Variants in BORA observed in about 807,000 individuals in gnomAD.
BORA encodes the protein BORA aurora kinase A activator, also known as protein aurora borealis.
In BORA, 26 loss-of-function variants were observed where a neutral mutation model predicts 55.8. The ratio of observed to expected loss-of-function variants is 0.47; its 90% confidence interval spans 0.34 to 0.65. BORA has a LOEUF of 0.65. Ranked by LOEUF, BORA falls within the 30% of genes least tolerant of loss-of-function variation. BORA has a pLI of 0.01. For missense variants in BORA, 568 were observed against 671.5 expected (o/e 0.85, Z 1.70); for synonymous variants, 201 against 216.9 (o/e 0.93, Z 0.64).
intron 4 of BORA, among the ~76,000 whole-genome samples, 196 bp downstream of exon 4, chr13:72,735,201 A>C (rs2032894630): frequency 6.6e-6 from 1 of 152,190 alleles, no homozygotes; most frequent in South Asian, 2.1e-4. Flanking sequence ...TACCTTGCAT[A>C]GCACTTGCAT....
chr13:72,743,722 T>G, intron 6 of BORA, 120 bp downstream of exon 6: 1 of 763,232 alleles, frequency 1.3e-6, no homozygotes, highest in Non-Finnish European at 2.0e-6. Context: ...TTTTTTTTTT[T>G]AATTTATTTT....
chr13:72,747,334 AG>A (rs2033172121), intron 10 of BORA, among the ~76,000 whole-genome samples: 1 of 152,110 alleles, frequency 6.6e-6, no homozygotes, highest in Non-Finnish European at 1.5e-5. Context: ...ATTTGTATGG[AG>A]TAGGAAAAGG....
rs777428247 is a variant in BORA at position 72,746,571 on chromosome 13, G to A, written c.942G>A (p.Pro314=). 2.5e-6 allele frequency: 4 copies of A among 1,613,874 alleles called. No homozygotes were observed. The highest frequency in any genetic ancestry group is 1.7e-4 in the Middle Eastern group (1 of 6,058). ...CAAATTCTAATGGGATAACTAATCCGTGTATCAGAAGTCCTTATATAGATG... is the reference window on the plus strand; with the variant it reads ...CAAATTCTAATGGGATAACTAATCCATGTATCAGAAGTCCTTATATAGATG... ...SGTNSNGITN[P]CIRSPYIDGC... The change falls in exon 10 of 12, where the codon CCG becomes CCA. Residue 314 remains proline, a synonymous_variant. Coordinates refer to ENST00000390667, the MANE Select transcript of BORA (RefSeq NM_024808.5).
chr13:72,728,914 A>G lies in BORA; in HGVS notation c.-15-12A>G, dbSNP rs765738949. ...TGTAATTTTAACATGCATACTCTTGATTTCTTTTTAGTTTTCTCTCTGTGC... is the reference window on the plus strand; with the variant it reads ...TGTAATTTTAACATGCATACTCTTGGTTTCTTTTTAGTTTTCTCTCTGTGC... On this transcript the variant is annotated splice_polypyrimidine_tract_variant and intron_variant, in intron 1 of 11. Coordinates refer to ENST00000390667, the MANE Select transcript of BORA (RefSeq NM_024808.5). The G allele has an allele frequency of 7.1e-6, 11 of 1,556,518 alleles. No homozygotes were observed. In the Admixed American group the frequency reaches 1.8e-4, roughly 25 times the overall value.
intron 2 of BORA, among the ~76,000 whole-genome samples, chr13:72,730,662 C>G (rs2032791675): frequency 6.6e-6 from 1 of 152,142 alleles, no homozygotes; most frequent in Non-Finnish European, 1.5e-5. Context: ...TAGTTTATCA[C>G]ACTGATGAGT....
At chr13:72,733,992 G>T (rs1285484192) in intron 3 of BORA, among the ~76,000 whole-genome samples, 1 of 152,208 alleles carries the variant, frequency 6.6e-6, no homozygotes, top group Non-Finnish European at 1.5e-5. Flanking sequence ...ACTTATAAGT[G>T]GGAGCTAAAT....
rs1369990564 is a variant in BORA at position 72,755,807 on chromosome 13, AG to A, written c.*593del. On this transcript the variant is annotated 3_prime_UTR_variant, in exon 12 of 12. Transcript: ENST00000390667. Reference sequence around the variant, plus strand: ...ACTTTTAAGTATGTAAATACTAGAAAGGTAGTACTAGTGACATCATCACGTG... The same window carrying A: ...ACTTTTAAGTATGTAAATACTAGAAAGTAGTACTAGTGACATCATCACGTG... 2.5e-6 allele frequency: 1 copy of A among 398,580 alleles called. No homozygotes were observed. Among genetic ancestry groups the A allele is most frequent in the Non-Finnish European group, 4.4e-6 (1 of 226,080 alleles). 24.7% of individuals were successfully genotyped at this position (398,580 alleles called of 1,614,324 possible).
intron 10 of BORA, among the ~76,000 whole-genome samples, chr13:72,748,748 CTCTCTCTCTCTTTT>C (rs1234708180): frequency 4.1e-5 from 2 of 48,500 alleles, no homozygotes; most frequent in Non-Finnish European, 1.4e-4. Flanking sequence ...CTCTCTCTCT[CTCTCTCTCTCTTTT>C]TTATATAGAG....
intron 2 of BORA, among the ~76,000 whole-genome samples, chr13:72,730,589 T>C (rs2032790146): frequency 1.3e-5 from 2 of 152,208 alleles, no homozygotes; most frequent in Admixed American, 1.3e-4. Context: ...TTAATTTCAG[T>C]TCCTTCTTAG....
chr13:72,734,965 A>G lies in BORA; in HGVS notation c.266A>G (p.Asp89Gly). The stretch of plus-strand genomic sequence containing the variant: ...TCTTCTTTATCTTTGTATAGAATAG[A>G]TAAAGATGTGGAAGACAAAAGACAA... The part of the protein sequence containing the change: ...QALYLSHSRI[D>G]KDVEDKRQKA... The change falls in exon 4 of 12, where the codon GAT becomes GGT. Residue 89 changes from aspartate to glycine, a missense_variant. Asp to Gly is a moderately conservative substitution (Grantham distance 94). Coordinates refer to ENST00000390667, the MANE Select transcript of BORA (RefSeq NM_024808.5). 1.3e-6 allele frequency: 2 copies of G among 1,578,828 alleles called. No individual in the cohort carries two copies. The highest frequency in any genetic ancestry group is 1.7e-6 in the Non-Finnish European group (2 of 1,149,414).
intron 10 of BORA, chr13:72,753,044 TC>T (rs1426128878): frequency 6.6e-6 from 1 of 152,204 alleles, no homozygotes; most frequent in African/African-American, 2.4e-5. Flanking sequence ...AATTTCCTTC[TC>T]TAGTAAAGTA....
intron 3 of BORA, 120 bp downstream of exon 3, chr13:72,731,507 G>T: frequency 2.8e-6 from 2 of 709,906 alleles, no homozygotes; most frequent in Non-Finnish European, 4.7e-6. Context: ...TTTTGATGCA[G>T]ATTTTTTCTA....
intron 6 of BORA, 106 bp downstream of exon 6, chr13:72,743,708 C>CT: frequency 1.3e-6 from 1 of 785,134 alleles, no homozygotes; most frequent in Non-Finnish European, 1.9e-6. Flanking sequence ...GAAATTGTTT[C>CT]CTTTTTTTTT....
Position 72,746,043 on chromosome 13 carries a change from A to G in BORA, c.838A>G (p.Ile280Val), listed in dbSNP as rs371895221. The G allele has an allele frequency of 3.3e-5, 54 of 1,612,248 alleles. No individual in the cohort carries two copies. The highest frequency in any genetic ancestry group is 6.7e-5 in the Admixed American group (4 of 59,994). ...TATTTCTTCACCCACTTTCTCACCAATTGAATTTCAGATAGGAGAGACTCC... is the reference window on the plus strand; with the variant it reads ...TATTTCTTCACCCACTTTCTCACCAGTTGAATTTCAGATAGGAGAGACTCC... Reference protein sequence around the residue: ...SPISSPTFSPIEFQIGETPLS... With the variant: ...SPISSPTFSPVEFQIGETPLS... The change falls in exon 9 of 12, where the codon ATT (isoleucine) becomes GTT (valine). Residue 280 changes from isoleucine to valine, a missense_variant. Ile to Val is a conservative substitution (Grantham distance 29). Coordinates refer to ENST00000390667, the MANE Select transcript of BORA (RefSeq NM_024808.5).
intron 5 of BORA, among the ~76,000 whole-genome samples, chr13:72,740,688 G>A (rs868829927): frequency 2.6e-5 from 4 of 152,074 alleles, no homozygotes; most frequent in East Asian, 1.9e-4. Flanking sequence ...CTCTACTGCT[G>A]TACCACAAAA....
chr13:72,747,211 G>A, intron 10 of BORA, 100 bp downstream of exon 10: 2 of 1,284,152 alleles, frequency 1.6e-6, no homozygotes, highest in Non-Finnish European at 2.1e-6. Context: ...TAAACATGAG[G>A]ACTACAGTAT....
chr13:72,731,409 C>A, intron 3 of BORA, 22 bp downstream of exon 3: 1 of 1,482,340 alleles, frequency 6.7e-7, no homozygotes, highest in South Asian at 1.1e-5. Context: ...TTTCTTGCAC[C>A]TAAGTCTAAT....
intron 10 of BORA, chr13:72,752,450 A>C (rs1422397168): frequency 1.3e-5 from 2 of 152,212 alleles, no homozygotes; most frequent in African/African-American, 4.8e-5. Context: ...AGTGTGGGAC[A>C]AACTCCCCGC....
chr13:72,744,105 G>A (rs577611886), intron 6 of BORA, among the ~76,000 whole-genome samples: 1 of 152,222 alleles, frequency 6.6e-6, no homozygotes, highest in South Asian at 2.1e-4. Context: ...AAGTATAGTA[G>A]AACAGATGCA....
Sources: allele counts gnomAD v4.1 joint callset (sites outside exome capture counted in the v4.1 genomes callset), GRCh38; gene constraint gnomAD v4.1.1; transcripts MANE v1.5; gene names NCBI Gene and HGNC (gene_info 2026-07-23, HGNC 2026-07-21).